PLPPR1: variants seen among roughly 807,000 people sequenced by gnomAD.
The protein encoded by PLPPR1 is phospholipid phosphatase-related protein type 1.
PLPPR1 carries 10 observed loss-of-function variants against 33.1 expected under a neutral mutation model. The ratio of observed to expected loss-of-function variants is 0.30; its 90% CI spans 0.19 to 0.51. The LOEUF (loss-of-function observed/expected upper bound fraction) is 0.51. PLPPR1 is among the 20% of genes least tolerant of loss of function. PLPPR1 has a pLI of 0.97. For missense variants in PLPPR1, 304 were observed against 408.1 expected (o/e 0.74, Z 2.20); for synonymous variants, 151 against 151.0 (o/e 1.00, Z 0.00).
intron 1 of PLPPR1, among the ~76,000 whole-genome samples, chr9:101,085,240 A>G (rs185366521): frequency 6.6e-6 from 1 of 152,290 alleles, no homozygotes; most frequent in East Asian, 1.9e-4. Flanking sequence ...AGTTGTCTCC[A>G]AGGCCCAGTG....
At chr9:101,133,565 G>A (rs1341408924) in intron 1 of PLPPR1, among the ~76,000 whole-genome samples, 1 of 152,218 alleles carries the variant, frequency 6.6e-6, no homozygotes, top group Non-Finnish European at 1.5e-5. Flanking sequence ...TACATGGCTA[G>A]TTTTAGGCGA....
intron 2 of PLPPR1, among the ~76,000 whole-genome samples, chr9:101,212,384 C>T (rs1435525482): frequency 6.6e-6 from 1 of 152,098 alleles, no homozygotes; most frequent in Non-Finnish European, 1.5e-5. Context: ...CTCCCGGCCA[C>T]ATCTTTTGCT....
At chr9:101,076,310 A>G (rs1026963745) in intron 1 of PLPPR1, among the ~76,000 whole-genome samples, 4 of 152,088 alleles carry the variant, frequency 2.6e-5, no homozygotes, top group African/African-American at 9.7e-5. Context: ...GAAGCTTTCA[A>G]GCAAAAGACT....
At chr9:101,126,479 G>A (rs1354962314) in intron 1 of PLPPR1, among the ~76,000 whole-genome samples, 16 of 152,282 alleles carry the variant, frequency 1.1e-4, no homozygotes, top group Admixed American at 2.6e-4. Flanking sequence ...TGCCTGCCAC[G>A]GCGGGAGACA....
intron 7 of PLPPR1, among the ~76,000 whole-genome samples, chr9:101,317,949 G>A (rs890902705): frequency 5.3e-5 from 8 of 152,202 alleles, no homozygotes; most frequent in Non-Finnish European, 1.0e-4. Context: ...CAATGCAACA[G>A]TACCTCCTGA....
intron 1 of PLPPR1, among the ~76,000 whole-genome samples, chr9:101,162,522 G>T (rs899392736): frequency 1.3e-5 from 2 of 152,206 alleles, no homozygotes; most frequent in Admixed American, 6.5e-5. Context: ...TGTGAATTTT[G>T]TGCCAACAGC....
intron 2 of PLPPR1, among the ~76,000 whole-genome samples, chr9:101,201,964 A>G (rs1056912214): frequency 1.3e-5 from 2 of 152,220 alleles, no homozygotes; most frequent in Non-Finnish European, 2.9e-5. Flanking sequence ...TGCTTCCCAC[A>G]GAAATTAGCA....
intron 3 of PLPPR1, among the ~76,000 whole-genome samples, chr9:101,279,019 C>T (rs572475216): frequency 6.6e-6 from 1 of 152,298 alleles, no homozygotes; most frequent in African/African-American, 2.4e-5. Context: ...TCTCAATACG[C>T]AGCCCCAAGA....
At chr9:101,298,661 G>A in intron 4 of PLPPR1, among the ~76,000 whole-genome samples, 1 of 152,028 alleles carries the variant, frequency 6.6e-6, no homozygotes, top group East Asian at 1.9e-4. Context: ...AACCTTCAAT[G>A]AAATAGTCAT....
chr9:101,157,491 T>C (rs1404942185), intron 1 of PLPPR1, among the ~76,000 whole-genome samples: 1 of 152,176 alleles, frequency 6.6e-6, no homozygotes, highest in African/African-American at 2.4e-5. Flanking sequence ...ATTTGAGCAT[T>C]ATTAGCATAT....
intron 1 of PLPPR1, among the ~76,000 whole-genome samples, chr9:101,121,376 G>A (rs1033902434): frequency 5.9e-5 from 9 of 152,110 alleles, no homozygotes. Flanking sequence ...GAGCATTTAA[G>A]TCAGTTGTCT....
intron 4 of PLPPR1, among the ~76,000 whole-genome samples, chr9:101,289,797 C>T (rs10115417): frequency 0.11 from 16,046 of 152,230 alleles, 1,879 homozygotes; most frequent in African/African-American, 0.29. Context: ...CTTTGTAAAT[C>T]GCCCAACCTC....
intron 2 of PLPPR1, among the ~76,000 whole-genome samples, chr9:101,193,022 G>C (rs1037365802): frequency 1.3e-5 from 2 of 152,050 alleles, no homozygotes; most frequent in African/African-American, 4.8e-5. Context: ...CTTTATCCTT[G>C]TCTTTAGATG....
intron 2 of PLPPR1, among the ~76,000 whole-genome samples, chr9:101,227,753 G>C (rs964794163): frequency 6.6e-6 from 1 of 152,100 alleles, no homozygotes; most frequent in Non-Finnish European, 1.5e-5. Context: ...AAGATGTGAA[G>C]TTTCTAGTTT....
At chr9:101,032,410 A>T (rs1453555970) in intron 1 of PLPPR1, among the ~76,000 whole-genome samples, 1 of 152,138 alleles carries the variant, frequency 6.6e-6, no homozygotes, top group Admixed American at 6.5e-5. Flanking sequence ...GGTGGACAAG[A>T]GGAGATGTAT....
intron 2 of PLPPR1, among the ~76,000 whole-genome samples, chr9:101,256,632 T>A (rs1827808244): frequency 6.6e-6 from 1 of 152,146 alleles, no homozygotes; most frequent in Non-Finnish European, 1.5e-5. Flanking sequence ...TGCCACATTC[T>A]TTCATTCTCC....
intron 2 of PLPPR1, among the ~76,000 whole-genome samples, chr9:101,258,653 T>G (rs911505247): frequency 4.6e-5 from 7 of 152,140 alleles, no homozygotes; most frequent in African/African-American, 1.4e-4. Flanking sequence ...TTCACAGAAT[T>G]CTCTTGGCTC....
intron 1 of PLPPR1, among the ~76,000 whole-genome samples, chr9:101,036,699 GCCA>G (rs1414264737): frequency 6.5e-5 from 4 of 61,948 alleles, no homozygotes; most frequent in Non-Finnish European, 1.1e-4. Context: ...GGCTATTTCT[GCCA>G]AAAAAAAAAA....
At chr9:101,137,003 A>C (rs1332983899) in intron 1 of PLPPR1, among the ~76,000 whole-genome samples, 1 of 152,222 alleles carries the variant, frequency 6.6e-6, no homozygotes, top group Non-Finnish European at 1.5e-5. Context: ...AATGTTTGTA[A>C]CTAAAAAAAT....
Sources: gnomAD v4.1 joint callset for allele counts (sites outside exome capture counted in the v4.1 genomes callset) on GRCh38, gnomAD v4.1.1 for gene constraint, MANE v1.5 for transcripts, NCBI Gene and HGNC (gene_info 2026-07-23, HGNC 2026-07-21) for gene names.